Variants in NSD1 observed in about 807,000 individuals in gnomAD.
NSD1 encodes nuclear receptor binding SET domain protein 1.
Under a neutral mutation model 242.7 loss-of-function variants are expected in NSD1, and 26 were observed. That is an observed-to-expected ratio of 0.11 (90% CI 0.08 to 0.15). The LOEUF is 0.15. NSD1 is among the 10% of genes least tolerant of loss of function. The pLI is 1.00. For synonymous variants in NSD1, 1,106 were observed against 1,178.1 expected (o/e 0.94, Z 1.25); for missense variants, 2,495 against 3,272.8 (o/e 0.76, Z 5.80).
chr5:177,200,407 C>CT (rs1182792942), intron 3 of NSD1, among the ~76,000 whole-genome samples: 2 of 152,176 alleles, frequency 1.3e-5, no homozygotes, highest in African/African-American at 4.8e-5. Flanking sequence ...GGTGCTGGGA[C>CT]TACAGGCCTG....
chr5:177,256,838 C>G, intron 12 of NSD1, 113 bp from the exon 13 acceptor site: 1 of 832,396 alleles, frequency 1.2e-6, no homozygotes, highest in Non-Finnish European at 2.1e-6. Context: ...TGGGTTCAGA[C>G]GATGTCAAAC....
At chr5:177,176,095 C>T (rs1760172158) in intron 2 of NSD1, among the ~76,000 whole-genome samples, 1 of 152,064 alleles carries the variant, frequency 6.6e-6, no homozygotes, top group Non-Finnish European at 1.5e-5. Flanking sequence ...AGGCTGGTCT[C>T]GAACTCCTGA....
chr5:177,164,987 C>T (rs1417509103), intron 2 of NSD1, among the ~76,000 whole-genome samples: 1 of 150,802 alleles, frequency 6.6e-6, no homozygotes, highest in Non-Finnish European at 1.5e-5. Flanking sequence ...TAACTTAAGG[C>T]TGATTGTATT....
At chr5:177,186,888 C>A (rs1036463162) in intron 2 of NSD1, among the ~76,000 whole-genome samples, 1 of 151,898 alleles carries the variant, frequency 6.6e-6, no homozygotes, top group Non-Finnish European at 1.5e-5. Context: ...CGCCACTGCA[C>A]CCCAGCCTGG....
At chr5:177,212,474 TTTCTCTCTCTCTC>T (rs1304348388) in intron 5 of NSD1, among the ~76,000 whole-genome samples, 87 of 131,740 alleles carry the variant, frequency 6.6e-4, no homozygotes, top group East Asian at 3.5e-3. Flanking sequence ...TCTCTCTCTC[TTTCTCTCTCTCTC>T]TTTTTTTTTT....
In NSD1 at chr5:177,299,163, A is replaced by G. The variant is rs1036718694; in HGVS notation, c.*3704A>G. On this transcript the variant is annotated 3_prime_UTR_variant, in exon 23 of 23. Transcript: ENST00000439151. ...GTGTAAATTGAAATAAGAATAGATC[A>G]TTGTTTTGTACACACACACAATAAA... The G allele has an allele frequency of 9.4e-5, 22 of 233,174 alleles. No homozygotes were observed. The highest frequency in any genetic ancestry group is 6.6e-5 in the African/African-American group (3 of 45,360). 14.4% of individuals were successfully genotyped at this position (233,174 alleles called of 1,614,324 possible). A position where few individuals can be genotyped will look rare whatever the true frequency, so the allele number is the denominator to read the frequency against.
At chr5:177,136,855 T>C in intron 2 of NSD1, 1 of 670,466 alleles carries the variant, frequency 1.5e-6, no homozygotes. Context: ...CAAAGTTTTA[T>C]ATTTATTTAT....
intron 4 of NSD1, among the ~76,000 whole-genome samples, chr5:177,208,018 C>T (rs1342805831): frequency 6.6e-6 from 1 of 152,062 alleles, no homozygotes; most frequent in East Asian, 1.9e-4. Flanking sequence ...CCTGCCTCAG[C>T]CTCTCAAAGT....
chr5:177,165,910 CTT>C (rs35871946), intron 2 of NSD1, among the ~76,000 whole-genome samples: 18 of 134,008 alleles, frequency 1.3e-4, no homozygotes, highest in Admixed American at 3.8e-4. Context: ...AGCCCACAAT[CTT>C]TTTTTTTTTT....
rs1161770822 is a variant in NSD1, at chr5:177,204,191, G to T, written c.1135G>T (p.Ala379Ser). Reference protein sequence around the residue: ...FGDPSERAWVAGKAIVMFEGR... With the variant: ...FGDPSERAWVSGKAIVMFEGR... ...AGATCCTTCTGAGAGAGCCTGGGTG[G>T]CTGGAAAAGCAATCGTCATGTTTGA... The change falls in exon 4 of 23, where the codon GCT becomes TCT. Residue 379 changes from alanine to serine, a missense_variant. Physicochemically the swap from Ala to Ser is moderately conservative, Grantham distance 99 (BLOSUM62 1). This residue lies in a region of NSD1 where 65 missense variants were observed against 136.2 expected (regional missense o/e 0.48). Transcript: ENST00000439151. 1 of 1,614,190 alleles carries T rather than the reference G, an allele frequency of 6.2e-7. No homozygotes were observed. Among genetic ancestry groups the T allele is most frequent in the South Asian group, 1.1e-5 (1 of 91,086 alleles).
intron 12 of NSD1, among the ~76,000 whole-genome samples, chr5:177,253,951 C>T (rs1275613756): frequency 2.6e-5 from 4 of 151,960 alleles, no homozygotes; most frequent in Non-Finnish European, 4.4e-5. Context: ...TTTCTTTTTT[C>T]GGTTTTTGTT....
chr5:177,180,597 G>C (rs1174313231), intron 2 of NSD1, among the ~76,000 whole-genome samples: 1 of 152,002 alleles, frequency 6.6e-6, no homozygotes, highest in African/African-American at 2.4e-5. Flanking sequence ...TAATTACTGA[G>C]AGAGGTTTTT....
At chr5:177,194,141 T>G (rs149458376) in intron 3 of NSD1, among the ~76,000 whole-genome samples, 7 of 152,288 alleles carry the variant, frequency 4.6e-5, no homozygotes, top group Non-Finnish European at 1.0e-4. Context: ...TTTACATGAG[T>G]AAATACATAC....
chr5:177,207,943 T>C (rs1006374773), intron 4 of NSD1, among the ~76,000 whole-genome samples: 4 of 151,430 alleles, frequency 2.6e-5, no homozygotes, highest in Non-Finnish European at 5.9e-5. Flanking sequence ...TGTGTGTTTT[T>C]AGTAGAGACA....
Position 177,210,339 on chromosome 5 carries a change from G to A in NSD1, c.1940G>A (p.Ser647Asn), listed in dbSNP as rs1233891472. 1 of 1,614,122 alleles carries A rather than the reference G, an allele frequency of 6.2e-7. No individual in the cohort carries two copies. Among genetic ancestry groups the A allele is most frequent in the Admixed American group, 1.7e-5 (1 of 60,012 alleles). ...TGTACCACTTCTGATGATGGAAGCA[G>A]TGACCTGGATCCCATAGAACACAGC... is the stretch of plus-strand genomic sequence containing the variant. ...SICTTSDDGS[S>N]DLDPIEHSSE... The change falls in exon 5 of 23, where the codon AGT (serine) becomes AAT (asparagine). Residue 647 changes from serine (S) to asparagine (N), a missense_variant. Physicochemically the swap from Ser to Asn is conservative, Grantham distance 46 (BLOSUM62 1). Around this residue, in one of 19 missense-constraint regions of NSD1, gnomAD observed 515 missense variants for 467.0 expected, o/e 1.10. Coordinates refer to ENST00000439151, the MANE Select transcript of NSD1 (RefSeq NM_022455.5).
chr5:177,205,433 C>G (rs915694957), intron 4 of NSD1, among the ~76,000 whole-genome samples: 3 of 151,742 alleles, frequency 2.0e-5, no homozygotes, highest in African/African-American at 7.3e-5. Context: ...AGTATTGTGG[C>G]TTTTTTTCTT....
intron 3 of NSD1, among the ~76,000 whole-genome samples, chr5:177,194,218 T>G (rs1459087177): frequency 6.6e-6 from 1 of 152,164 alleles, no homozygotes; most frequent in African/African-American, 2.4e-5. Flanking sequence ...CAGCTTGCCT[T>G]TTCCACTTTG....
rs921927734 is a variant in NSD1, at chr5:177,264,815, G to C, written c.5147-2747G>C. 1.1e-5 allele frequency: 8 copies of C among 752,846 alleles called. No homozygotes were observed. In the African/African-American group the frequency reaches 1.4e-4, roughly 13 times the overall value. The allele number at this position is 752,846 out of a possible 1,614,324, so 46.6% of individuals were successfully genotyped here. ...AGAGGCACCCAGTACATGTTCTGTA[G>C]GCCTTTTAGAAAACATGGAGTTGTT... On this transcript the variant is annotated intron_variant, in intron 14 of 22. Coordinates refer to ENST00000439151, the MANE Select transcript of NSD1 (RefSeq NM_022455.5).
At chr5:177,250,633 C>G (rs2149902829) in intron 11 of NSD1, among the ~76,000 whole-genome samples, 1 of 151,118 alleles carries the variant, frequency 6.6e-6, no homozygotes, top group Middle Eastern at 3.4e-3. Flanking sequence ...ATATATAGTG[C>G]TATTTTTCAG....
Sources: allele counts gnomAD v4.1 joint callset (sites outside exome capture counted in the v4.1 genomes callset), GRCh38; gene constraint gnomAD v4.1.1; regional missense constraint gnomAD v4.1.1; transcripts MANE v1.5; gene names NCBI Gene and HGNC (gene_info 2026-07-23, HGNC 2026-07-21).